The following AP4B1 variants were observed in gnomAD, a reference collection of about 807,000 sequenced individuals.
AP4B1 encodes AP-4 complex subunit beta-1.
AP4B1 carries 49 observed loss-of-function variants against 76.5 expected under a neutral mutation model. That is an observed-to-expected ratio of 0.64 (90% CI 0.51 to 0.81). The LOEUF (loss-of-function observed/expected upper bound fraction) is 0.81, where lower values mean the gene tolerates loss of function less well. Ranked by LOEUF, AP4B1 falls within the 40% of genes least tolerant of loss-of-function variation. The pLI is 0.00. For missense variants in AP4B1, 911 were observed against 904.9 expected, an observed-to-expected ratio of 1.01 and a Z score of -0.09; for synonymous variants, 330 against 333.3, an observed-to-expected ratio of 0.99 and a Z score of 0.11.
chr1:113,895,334 C>T lies in AP4B1; in HGVS notation c.1951G>A (p.Glu651Lys). 6.2e-7 allele frequency: 1 copy of T among 1,614,212 alleles called. No homozygotes were observed. Among genetic ancestry groups the T allele is most frequent in the Non-Finnish European group, 8.5e-7 (1 of 1,180,036 alleles). The change falls in exon 10 of 10, where the codon GAA becomes AAA. Residue 651 changes from glutamate (E) to lysine (K), a missense_variant. By Grantham distance (56) the Glu-to-Lys change is moderately conservative. Transcript: ENST00000369569. The part of the protein sequence containing the change: ...AHQQVLPWRG[E>K]FHPDTLQMAL... ...ATCTGGAGGGTGTCAGGATGGAATT[C>T]TCCCCGCCAAGGCAACACTTGCTGA...
In AP4B1 at chr1:113,896,625, T is replaced by C. The variant is rs6695260; in HGVS notation, c.1303-160A>G. ...TTTACTGATTCCCCGTACTATACTC[T>C]CTACAACAAATAGGAATGAAATTCT... On this transcript the variant is annotated intron_variant, in intron 7 of 9. Transcript: ENST00000369569. 2.3e-3 allele frequency: 1,569 copies of C among 667,924 alleles called. 21 individuals are homozygous for C. In the African/African-American group the frequency reaches 0.025, roughly 11 times the overall value. 41.4% of individuals were successfully genotyped at this position (667,924 alleles called of 1,614,324 possible).
At position 113,901,351 on chromosome 1, in the gene AP4B1, G is replaced by C. The variant is rs764717337; in HGVS notation, c.502C>G (p.Leu168Val). Reference protein sequence around the residue: ...GALVNELYSLLRDQDPIVVVN... With the variant: ...GALVNELYSLVRDQDPIVVVN... ...ACTACAATTGGATCCTGGTCACGCA[G>C]CAAACTGTATAATTCATTTACCAGG... The change falls in exon 4 of 10, where the codon CTG becomes GTG. Residue 168 changes from leucine (L) to valine (V), a missense_variant. Coordinates refer to ENST00000369569, the MANE Select transcript of AP4B1 (RefSeq NM_001253852.3). 1 of 1,614,066 alleles carries C rather than the reference G, an allele frequency of 6.2e-7. No homozygotes were observed. The highest frequency in any genetic ancestry group is 8.5e-7 in the Non-Finnish European group (1 of 1,179,982).
rs1222878745 is a variant in AP4B1, at chr1:113,894,499, G to C, written c.*566C>G. Among the ~76,000 whole-genome samples, 2 of 152,168 alleles carry C rather than the reference G, an allele frequency of 1.3e-5. No individual in the cohort carries two copies. The highest frequency in any genetic ancestry group is 2.9e-5 in the Non-Finnish European group (2 of 68,028). On this transcript the variant is annotated 3_prime_UTR_variant, in exon 10 of 10. Coordinates refer to ENST00000369569, the MANE Select transcript of AP4B1 (RefSeq NM_001253852.3). ...ATGTTCCAGGCAATAAATAAAAGCA[G>C]GTTTAAGTTAACACAGAGGTGAAAG... is the stretch of plus-strand genomic sequence containing the variant.
Position 113,898,617 on chromosome 1 carries a change from A to G in AP4B1, c.1198+101T>C. On this transcript the variant is annotated intron_variant, in intron 6 of 9. Coordinates refer to ENST00000369569, the MANE Select transcript of AP4B1 (RefSeq NM_001253852.3). Reference sequence around the variant, plus strand: ...AGATGATGATGCAAGGAAAAGTTCAAATCTCTATATTACTCATTCAACAAC... The same window carrying G: ...AGATGATGATGCAAGGAAAAGTTCAGATCTCTATATTACTCATTCAACAAC... 3 of 915,470 alleles carry G rather than the reference A, an allele frequency of 3.3e-6. No individual in the cohort carries two copies. In the East Asian group the frequency reaches 7.2e-5, roughly 22 times the overall value. 56.7% of individuals were successfully genotyped at this position (915,470 alleles called of 1,614,324 possible).
At chr1:113,898,310 T>C (rs568786252) in intron 6 of AP4B1, among the ~76,000 whole-genome samples, 4 of 152,276 alleles carry the variant, frequency 2.6e-5, no homozygotes, top group African/African-American at 9.6e-5. Flanking sequence ...GGTTCAAAAT[T>C]GAAGAAGACA....
chr1:113,902,662 GC>G lies in AP4B1; in HGVS notation c.313del (p.Ala105ArgfsTer52), dbSNP rs587783179. The G allele has an allele frequency of 1.2e-6, 2 of 1,613,288 alleles. No homozygotes were observed. The highest frequency in any genetic ancestry group is 2.7e-5 in the African/African-American group (2 of 74,876). ...SDPNPMVRGLALRSMCSLRMP... is the reference protein window; with the variant it reads ...SDPNPMVRGLXLRSMCSLRMP... ...CCTGAGGCTACACATGCTCCGTAACGCCAGCCCTCGCACCATTGGATTGGGG... is the reference window on the plus strand; with the variant it reads ...CCTGAGGCTACACATGCTCCGTAACGCAGCCCTCGCACCATTGGATTGGGG... On this transcript the variant is annotated frameshift_variant, in exon 2 of 10. Coordinates refer to ENST00000369569, the MANE Select transcript of AP4B1 (RefSeq NM_001253852.3). LOFTEE classifies it high-confidence loss of function.
intron 1 of AP4B1, among the ~76,000 whole-genome samples, chr1:113,903,090 G>C (rs927105850): frequency 2.6e-5 from 4 of 152,172 alleles, no homozygotes; most frequent in Admixed American, 1.3e-4. Flanking sequence ...TTTTGAGACA[G>C]AGTCTTGCTC....
rs753438534 is a variant in AP4B1 at position 113,896,254 on chromosome 1, C to T, written c.1510+4G>A. ...CAAATACTATTTCCTTCTGAAAAAC[C>T]CACCTATGCAGTAATACAACAAACG... On this transcript the variant is annotated splice_donor_region_variant and intron_variant, in intron 8 of 9. Transcript: ENST00000369569. 7 of 1,613,956 alleles carry T rather than the reference C, an allele frequency of 4.3e-6. No individual in the cohort carries two copies. The Admixed American group carries it at 6.7e-5, about 15-fold the overall frequency.
intron 5 of AP4B1, chr1:113,899,014 A>C: frequency 1.8e-6 from 2 of 1,123,770 alleles, no homozygotes; most frequent in Non-Finnish European, 2.4e-6. Flanking sequence ...CTACTAGAAA[A>C]CTGAAAGCTC....
At chr1:113,900,705 C>A in intron 4 of AP4B1, 1 of 418,770 alleles carries the variant, frequency 2.4e-6, no homozygotes, top group Non-Finnish European at 4.3e-6. Context: ...GGGGACATGA[C>A]TAGAGAAGGG....
chr1:113,903,007 C>T lies in AP4B1; in HGVS notation c.114-145G>A, dbSNP rs370920125. 8.8e-4 allele frequency: 637 copies of T among 720,088 alleles called. 14 individuals carry two copies. The South Asian group carries it at 9.1e-3, about 10-fold the overall frequency. 44.6% of individuals were successfully genotyped at this position (720,088 alleles called of 1,614,324 possible). On this transcript the variant is annotated intron_variant, in intron 1 of 9. Transcript: ENST00000369569. ...GCCAGGATTACCTTGTCTATTATAT[C>T]ACACAGTACTTCATACCATAGGCCT...
intron 7 of AP4B1, 154 bp downstream of exon 7, chr1:113,897,686 G>C: frequency 4.1e-6 from 3 of 732,912 alleles, no homozygotes; most frequent in Non-Finnish European, 6.9e-6. Flanking sequence ...TAATTTATAT[G>C]CCATCTATAT....
chr1:113,895,586 T>A, intron 9 of AP4B1, 94 bp from the exon 10 acceptor site: 1 of 1,562,546 alleles, frequency 6.4e-7, no homozygotes, highest in Non-Finnish European at 8.8e-7. Context: ...ATGTGACTTT[T>A]ATTTTTGGAC....
Position 113,901,303 on chromosome 1 carries a change from CTA to C in AP4B1, c.548_549del (p.Leu183ArgfsTer14), listed in dbSNP as rs1392759100. The C allele has an allele frequency of 1.2e-6, 2 of 1,614,002 alleles. No homozygotes were observed. The highest frequency in any genetic ancestry group is 2.2e-5 in the South Asian group (2 of 91,088). Reference sequence around the variant, plus strand: ...CCTCCTTCCTGTTTCAGAATTTCCTCTAGAGACCTCAAGCAGTTCACAACTAC... The same window carrying C: ...CCTCCTTCCTGTTTCAGAATTTCCTCGAGACCTCAAGCAGTTCACAACTAC... ...PIVVVNCLRS[L>X]EEILKQEGGV... On this transcript the variant is annotated frameshift_variant, in exon 4 of 10. Coordinates refer to ENST00000369569, the MANE Select transcript of AP4B1 (RefSeq NM_001253852.3). LOFTEE classifies it high-confidence loss of function.
chr1:113,900,093 C>G lies in AP4B1; in HGVS notation c.925G>C (p.Gly309Arg). Residue 309 changes from glycine to arginine, a missense_variant, in exon 5 of 10, where the codon GGT becomes CGT. Coordinates refer to ENST00000369569, the MANE Select transcript of AP4B1 (RefSeq NM_001253852.3). The part of the protein sequence containing the change: ...HVRQILHSLP[G>R]HFSSHYKKFF... The stretch of plus-strand genomic sequence containing the variant: ...TTTTTGTAGTGGCTGCTAAAGTGAC[C>G]TGGTAAACTATGCAAGATCTGGCGT... 6.2e-7 allele frequency: 1 copy of G among 1,614,180 alleles called. No homozygotes were observed. The highest frequency in any genetic ancestry group is 1.7e-5 in the Admixed American group (1 of 60,018).
Position 113,895,010 on chromosome 1 carries a change from G to T in AP4B1, c.*55C>A. On this transcript the variant is annotated 3_prime_UTR_variant, in exon 10 of 10. Transcript: ENST00000369569. ...ACTTACTGGCAGCTCTAATAGGAAA[G>T]ACTAAGAAAGTGTAATAGTTATTCA... is the stretch of plus-strand genomic sequence containing the variant. 6.4e-7 allele frequency: 1 copy of T among 1,554,750 alleles called. No homozygotes were observed.
At chr1:113,899,778 T>C (rs372348739) in intron 5 of AP4B1, 126 bp downstream of exon 5, 1 of 1,485,652 alleles carries the variant, frequency 6.7e-7, no homozygotes. Flanking sequence ...CTGACCCAAT[T>C]ATTTAGTGCA....
Position 113,900,037 on chromosome 1 carries a change from G to A in AP4B1, c.981C>T (p.Tyr327=), listed in dbSNP as rs1463244485. The part of the protein sequence containing the change: ...KFFCSYSEPH[Y]IKLQKVEVLC... ...GCACCTCCACTTTCTGTAGTTTGAT[G>A]TAGTGGGGCTCCGAGTAGGAGCAAA... The change falls in exon 5 of 10, where the codon TAC becomes TAT. Residue 327 remains tyrosine (Y), a synonymous_variant. Coordinates refer to ENST00000369569, the MANE Select transcript of AP4B1 (RefSeq NM_001253852.3). 13 of 1,614,090 alleles carry A rather than the reference G, an allele frequency of 8.1e-6. No homozygotes were observed. The highest frequency in any genetic ancestry group is 3.3e-5 in the Admixed American group (2 of 59,998).
intron 2 of AP4B1, 96 bp from the exon 3 acceptor site, chr1:113,901,981 C>T: frequency 2.1e-6 from 3 of 1,420,670 alleles, no homozygotes; most frequent in Non-Finnish European, 2.0e-6. Context: ...GTAGATGCTG[C>T]ACCCATCAGA....
Sources: allele counts gnomAD v4.1 joint callset (sites outside exome capture counted in the v4.1 genomes callset), GRCh38; gene constraint gnomAD v4.1.1; transcripts MANE v1.5; gene names NCBI Gene and HGNC (gene_info 2026-07-23, HGNC 2026-07-21).